Variants in ABTB3 observed in about 807,000 individuals in gnomAD.
ABTB3 encodes ankyrin repeat- and BTB/POZ domain-containing protein 3.
chr12:107,387,318 C>G, the ABTB3 span, among the ~76,000 whole-genome samples: 1 of 152,212 alleles, frequency 6.6e-6, no homozygotes, highest in Admixed American at 6.5e-5. Flanking sequence ...CATTCTCCCC[C>G]CACCCTTGAG....
chr12:107,555,706 G>C, the ABTB3 span, among the ~76,000 whole-genome samples: 1 of 152,148 alleles, frequency 6.6e-6, no homozygotes, highest in Non-Finnish European at 1.5e-5. Context: ...TATACCATGC[G>C]CCTCATTTCA....
the ABTB3 span, among the ~76,000 whole-genome samples, chr12:107,369,240 G>C: frequency 5.0e-4 from 76 of 152,028 alleles, no homozygotes; most frequent in South Asian, 0.016. Flanking sequence ...TTCACATTTA[G>C]GTTTTTCATC....
At chr12:107,409,047 T>C in the ABTB3 span, among the ~76,000 whole-genome samples, 1 of 152,360 alleles carries the variant, frequency 6.6e-6, no homozygotes, top group East Asian at 1.9e-4. Flanking sequence ...TGAGTGGATC[T>C]TTAAAGGAAG....
the ABTB3 span, among the ~76,000 whole-genome samples, chr12:107,624,800 G>A: frequency 9.2e-5 from 14 of 152,298 alleles, no homozygotes; most frequent in African/African-American, 1.9e-4. Flanking sequence ...AAACATTTAC[G>A]CACAGGTTTT....
At chr12:107,539,282 G>A in the ABTB3 span, among the ~76,000 whole-genome samples, 1 of 152,192 alleles carries the variant, frequency 6.6e-6, no homozygotes, top group African/African-American at 2.4e-5. Context: ...CCCACCCCAG[G>A]CCTCTATCTT....
At chr12:107,514,122 G>C in the ABTB3 span, among the ~76,000 whole-genome samples, 3 of 152,332 alleles carry the variant, frequency 2.0e-5, no homozygotes, top group Admixed American at 2.0e-4. Context: ...TGCAGAAGCT[G>C]GCTGGAGAGC....
At chr12:107,645,647 G>C in the ABTB3 span, among the ~76,000 whole-genome samples, 10 of 152,332 alleles carry the variant, frequency 6.6e-5, no homozygotes, top group Admixed American at 3.9e-4. Context: ...GCTCATGAAG[G>C]GGGAGCTTAC....
chr12:107,574,341 CTT>C, the ABTB3 span, among the ~76,000 whole-genome samples: 1 of 152,230 alleles, frequency 6.6e-6, no homozygotes, highest in Non-Finnish European at 1.5e-5. Context: ...TGGTTTCTGA[CTT>C]GAGTCATGAT....
the ABTB3 span, among the ~76,000 whole-genome samples, chr12:107,551,519 T>C: frequency 6.6e-6 from 1 of 152,222 alleles, no homozygotes; most frequent in Non-Finnish European, 1.5e-5. Flanking sequence ...TACATCAATG[T>C]GCTAAAGGTT....
the ABTB3 span, among the ~76,000 whole-genome samples, chr12:107,482,913 C>CT: frequency 3.5e-3 from 411 of 117,942 alleles, 5 homozygotes; most frequent in African/African-American, 5.4e-3. Context: ...TCTCTTTCTT[C>CT]TTCTTTCTTT....
chr12:107,585,762 A>G, the ABTB3 span, among the ~76,000 whole-genome samples: 1 of 152,152 alleles, frequency 6.6e-6, no homozygotes, highest in Non-Finnish European at 1.5e-5. Flanking sequence ...CTCTATAATG[A>G]CAGCTGGAAG....
the ABTB3 span, chr12:107,581,090 C>A: frequency 6.5e-7 from 1 of 1,544,980 alleles, no homozygotes; most frequent in Non-Finnish European, 8.7e-7. Context: ...GGGGCCAAGC[C>A]GGCAGCCCCT....
At chr12:107,582,010 C>A in the ABTB3 span, among the ~76,000 whole-genome samples, 1 of 152,184 alleles carries the variant, frequency 6.6e-6, no homozygotes, top group Non-Finnish European at 1.5e-5. Context: ...TCATTGTCAT[C>A]ATTTTCAAAT....
At chr12:107,387,160 T>A in the ABTB3 span, among the ~76,000 whole-genome samples, 359 of 152,164 alleles carry the variant, frequency 2.4e-3, no homozygotes, top group Non-Finnish European at 4.1e-3. Flanking sequence ...GTATTTTTAG[T>A]AGAGACAGGG....
chr12:107,505,288 G>C, the ABTB3 span, among the ~76,000 whole-genome samples: 7 of 152,012 alleles, frequency 4.6e-5, no homozygotes, highest in Non-Finnish European at 7.4e-5. Flanking sequence ...ATATCTTTCA[G>C]AAAGGAGACG....
At chr12:107,413,855 A>T in the ABTB3 span, among the ~76,000 whole-genome samples, 2 of 152,238 alleles carry the variant, frequency 1.3e-5, no homozygotes, top group African/African-American at 4.8e-5. Flanking sequence ...GGCCAGGTTG[A>T]AAGGCACTAG....
At chr12:107,348,118 C>T in the ABTB3 span, among the ~76,000 whole-genome samples, 1 of 151,970 alleles carries the variant, frequency 6.6e-6, no homozygotes, top group Middle Eastern at 3.2e-3. Flanking sequence ...TCATGAAGGC[C>T]TTACTCAGAA....
chr12:107,611,886 G>A, the ABTB3 span, among the ~76,000 whole-genome samples: 1 of 152,122 alleles, frequency 6.6e-6, no homozygotes, highest in Non-Finnish European at 1.5e-5. Context: ...GTTATAATGT[G>A]ATAAATATGC....
chr12:107,466,677 C>T, the ABTB3 span, among the ~76,000 whole-genome samples: 1 of 151,880 alleles, frequency 6.6e-6, no homozygotes, highest in Non-Finnish European at 1.5e-5. Context: ...GGGGTTGATG[C>T]CGGGCTATTT....
Sources: allele counts gnomAD v4.1 joint callset (sites outside exome capture counted in the v4.1 genomes callset), GRCh38; gene constraint gnomAD v4.1.1; transcripts MANE v1.5; gene names NCBI Gene and HGNC (gene_info 2026-07-23, HGNC 2026-07-21).